Variants in ATP10A observed in about 807,000 individuals in gnomAD.
ATP10A encodes the protein ATPase phospholipid transporting 10A (putative).
Under a neutral mutation model 147.8 loss-of-function variants are expected in ATP10A, and 111 were observed. The observed-to-expected ratio is 0.75, with a 90% CI of 0.64 to 0.88. The LOEUF is 0.88. Among genes scored for constraint, ATP10A ranks in the 40% least tolerant of loss-of-function variants. ATP10A has a pLI of 0.00. For missense variants in ATP10A, 1,927 were observed against 1,959.0 expected (o/e 0.98, Z 0.31); for synonymous variants, 875 against 841.6 (o/e 1.04, Z -0.69).
intron 1 of ATP10A, among the ~76,000 whole-genome samples, chr15:25,861,093 G>T (rs1422815398): frequency 6.6e-6 from 1 of 152,132 alleles, no homozygotes; most frequent in East Asian, 1.9e-4. Context: ...CCCACAGCCC[G>T]GTCTAATGAC....
chr15:25,714,078 C>CTGGACGGGG lies in ATP10A; in HGVS notation c.1931_1939dup (p.Thr644_Ser646dup). On this transcript the variant is annotated inframe_insertion, in exon 10 of 21. Transcript: ENST00000555815. ...CTCCAGCCTGAGAAGCATGCCGTCG[C>CTGGACGGGG]TGGACGGGGTGGACGGGAAGCTGGA... 2 of 1,613,262 alleles carry CTGGACGGGG rather than the reference C, an allele frequency of 1.2e-6. No individual in the cohort carries two copies. Among genetic ancestry groups the CTGGACGGGG allele is most frequent in the Non-Finnish European group, 1.7e-6 (2 of 1,180,024 alleles).
downstream of ATP10A, among the ~76,000 whole-genome samples, chr15:25,674,842 A>G (rs1053623000): frequency 6.6e-6 from 1 of 152,216 alleles, no homozygotes; most frequent in Admixed American, 6.5e-5. Flanking sequence ...TGGAAGGGAA[A>G]TGGGAGGACA....
intron 2 of ATP10A, among the ~76,000 whole-genome samples, chr15:25,755,048 C>A (rs549902798): frequency 8.5e-5 from 13 of 152,274 alleles, no homozygotes; most frequent in Non-Finnish European, 1.6e-4. Context: ...TGATCTACTC[C>A]AGAATATTCA....
At chr15:25,805,143 C>G (rs1891124740) in intron 1 of ATP10A, among the ~76,000 whole-genome samples, 1 of 152,166 alleles carries the variant, frequency 6.6e-6, no homozygotes, top group African/African-American at 2.4e-5. Flanking sequence ...CCTATGGGAC[C>G]CCTGTCTGCC....
At chr15:25,801,598 A>G (rs1890943524) in intron 1 of ATP10A, among the ~76,000 whole-genome samples, 1 of 152,168 alleles carries the variant, frequency 6.6e-6, no homozygotes, top group East Asian at 1.9e-4. Flanking sequence ...CTACGCTGAG[A>G]CTTCAATTTG....
intron 2 of ATP10A, among the ~76,000 whole-genome samples, chr15:25,762,431 C>T (rs543550577): frequency 1.2e-4 from 18 of 152,160 alleles, no homozygotes; most frequent in African/African-American, 3.6e-4. Flanking sequence ...AATGCACCAC[C>T]ACGCCCGGCA....
chr15:25,703,616 T>C (rs1180658550), intron 12 of ATP10A, among the ~76,000 whole-genome samples: 1 of 152,180 alleles, frequency 6.6e-6, no homozygotes, highest in Non-Finnish European at 1.5e-5. Context: ...TCTAGAATGA[T>C]GGGATGGCAG....
chr15:25,690,448 C>T (rs1478357206), intron 15 of ATP10A, among the ~76,000 whole-genome samples: 1 of 152,130 alleles, frequency 6.6e-6, no homozygotes, highest in Non-Finnish European at 1.5e-5. Context: ...ACCACATTGC[C>T]CCGCTGGTCT....
chr15:25,721,901 G>A lies in ATP10A; in HGVS notation c.1119C>T (p.Ile373=), dbSNP rs1241724564. Residue 373 remains isoleucine, a synonymous_variant, in exon 7 of 21, where the codon ATC becomes ATT. Transcript: ENST00000555815. Reference sequence around the variant, plus strand: ...CAATGGAAACGTATAAGGAAATTGGGATCAAAACCTGGAAGAGACAAGGCA... The same window carrying A: ...CAATGGAAACGTATAAGGAAATTGGAATCAAAACCTGGAAGAGACAAGGCA... The part of the protein sequence containing the change: ...LTMIIVLQVL[I]PISLYVSIEI... 1.9e-6 allele frequency: 3 copies of A among 1,609,554 alleles called. No individual in the cohort carries two copies. The highest frequency in any genetic ancestry group is 1.1e-5 in the South Asian group (1 of 90,990).
At chr15:25,837,546 A>G (rs1892648353) in intron 1 of ATP10A, among the ~76,000 whole-genome samples, 1 of 152,220 alleles carries the variant, frequency 6.6e-6, no homozygotes, top group Non-Finnish European at 1.5e-5. Context: ...TCAAGGCTGC[A>G]GGACGCATAA....
intron 1 of ATP10A, among the ~76,000 whole-genome samples, chr15:25,834,588 G>A (rs965019019): frequency 2.6e-5 from 4 of 152,214 alleles, no homozygotes; most frequent in African/African-American, 7.2e-5. Context: ...CAGGGGTATC[G>A]TGTGCTCCAG....
At chr15:25,744,969 A>G (rs532284830) in intron 2 of ATP10A, among the ~76,000 whole-genome samples, 1 of 152,342 alleles carries the variant, frequency 6.6e-6, no homozygotes, top group Admixed American at 6.5e-5. Flanking sequence ...AGGGTCTGTG[A>G]AGGGAGATTA....
chr15:25,798,712 G>A (rs759085114), intron 1 of ATP10A, among the ~76,000 whole-genome samples: 3 of 152,164 alleles, frequency 2.0e-5, no homozygotes, highest in African/African-American at 4.8e-5. Context: ...AGGTCTCCAC[G>A]GCTGAGTGAA....
At chr15:25,686,177 G>C (rs1899703830) in intron 16 of ATP10A, among the ~76,000 whole-genome samples, 1 of 152,180 alleles carries the variant, frequency 6.6e-6, no homozygotes, top group African/African-American at 2.4e-5. Context: ...GCATTTGCTA[G>C]AAGACGCTCC....
intron 1 of ATP10A, chr15:25,862,346 A>G: frequency 1.7e-6 from 1 of 592,756 alleles, no homozygotes; most frequent in Non-Finnish European, 3.2e-6. Flanking sequence ...GCTGTGGATG[A>G]GGATGTCCAG....
chr15:25,850,908 A>G (rs1395289081), intron 1 of ATP10A, among the ~76,000 whole-genome samples: 2 of 152,356 alleles, frequency 1.3e-5, no homozygotes, highest in East Asian at 3.9e-4. Context: ...GACTCAGTTC[A>G]AATGTGCGGT....
At chr15:25,687,579 AG>A in intron 16 of ATP10A, 123 bp downstream of exon 16, 3 of 459,486 alleles carry the variant, frequency 6.5e-6, no homozygotes, top group Non-Finnish European at 8.7e-6. Context: ...ACACAGGCGA[AG>A]GAGGATGGAG....
intron 1 of ATP10A, among the ~76,000 whole-genome samples, chr15:25,820,654 T>C (rs530843259): frequency 6.6e-6 from 1 of 152,292 alleles, no homozygotes; most frequent in South Asian, 2.1e-4. Flanking sequence ...GAAAAAATGT[T>C]TTAAAAAGAG....
At chr15:25,694,218 T>C (rs922429363) in intron 14 of ATP10A, among the ~76,000 whole-genome samples, 1 of 152,164 alleles carries the variant, frequency 6.6e-6, no homozygotes, top group Non-Finnish European at 1.5e-5. Context: ...AGGCCAACAG[T>C]GTCTGCCAGG....
Sources: gnomAD v4.1 joint callset for allele counts (sites outside exome capture counted in the v4.1 genomes callset) on GRCh38, gnomAD v4.1.1 for gene constraint, MANE v1.5 for transcripts, NCBI Gene and HGNC (gene_info 2026-07-23, HGNC 2026-07-21) for gene names.